Variants in ZNF618 observed in about 807,000 individuals in gnomAD.
The protein encoded by ZNF618 is neural precursor cell expressed, developmentally down-regulated 10.
ZNF618 carries 34 observed loss-of-function variants against 103.0 expected under a neutral mutation model. The observed-to-expected ratio is 0.33, with a 90% CI of 0.25 to 0.44. ZNF618 has a LOEUF of 0.44. ZNF618 is among the 20% of genes least tolerant of loss of function. ZNF618 has a pLI of 1.00. For synonymous variants in ZNF618, 551 were observed against 542.2 expected, an observed-to-expected ratio of 1.02 and a Z score of -0.23; for missense variants, 1,059 against 1,295.4, an observed-to-expected ratio of 0.82 and a Z score of 2.80.
intron 1 of ZNF618, among the ~76,000 whole-genome samples, chr9:113,919,924 A>T (rs1358209467): frequency 6.6e-6 from 1 of 152,216 alleles, no homozygotes; most frequent in African/African-American, 2.4e-5. Context: ...CCCCAGGCTC[A>T]CCTTCTTATG....
intron 1 of ZNF618, among the ~76,000 whole-genome samples, chr9:113,926,043 C>T (rs1833057217): frequency 6.6e-6 from 1 of 152,122 alleles, no homozygotes; most frequent in Non-Finnish European, 1.5e-5. Flanking sequence ...AAAAATATTT[C>T]CTGCAAGGCA....
rs148002273 is a variant in ZNF618, at chr9:113,989,702, C to T, written c.337+1122C>T. 1.5e-3 allele frequency among the ~76,000 whole-genome samples: 227 copies of T among 152,360 alleles called. 3 individuals carry two copies. The East Asian group carries it at 0.038, about 26-fold the overall frequency. On this transcript the variant is annotated intron_variant, in intron 3 of 14. Transcript: ENST00000374126. Reference sequence around the variant, plus strand: ...ATCTTCCTGGCGCACATCCTGTATGCGGCACCATGGCCTCGTTTCTGCAAG... The same window carrying T: ...ATCTTCCTGGCGCACATCCTGTATGTGGCACCATGGCCTCGTTTCTGCAAG...
chr9:114,004,539 C>T (rs1361605225), intron 6 of ZNF618, among the ~76,000 whole-genome samples: 2 of 152,240 alleles, frequency 1.3e-5, no homozygotes, highest in Non-Finnish European at 2.9e-5. Context: ...TTCCGTTGTC[C>T]GCGGGCTTGC....
At position 114,048,758 on chromosome 9, in the gene ZNF618, G is replaced by A. The variant is rs756901718; in HGVS notation, c.1456G>A (p.Val486Met). The A allele has an allele frequency of 3.6e-5, 58 of 1,614,054 alleles. 1 individual carries two copies. The highest frequency in any genetic ancestry group is 3.1e-4 in the South Asian group (28 of 91,088). Reference sequence around the variant, plus strand: ...GTGTGCCGACCTGGGTGCACTGAGCGTGGTCAGCGGGAAGGAGTTCCTGAA... The same window carrying A: ...GTGTGCCGACCTGGGTGCACTGAGCATGGTCAGCGGGAAGGAGTTCCTGAA... ...VMCADLGALS[V>M]VSGKEFLKLA... is the part of the protein sequence containing the mutation. Residue 486 changes from valine (V) to methionine (M), a missense_variant, in exon 15 of 15, where the codon GTG becomes ATG. Val to Met is a conservative substitution (Grantham distance 21). Coordinates refer to ENST00000374126, the MANE Select transcript of ZNF618 (RefSeq NM_001318042.2).
chr9:113,935,478 C>G (rs2131936050), intron 1 of ZNF618, among the ~76,000 whole-genome samples: 1 of 152,294 alleles, frequency 6.6e-6, no homozygotes, highest in Middle Eastern at 3.4e-3. Flanking sequence ...TGCACCCCAC[C>G]TGGCCCTGGA....
intron 13 of ZNF618, among the ~76,000 whole-genome samples, chr9:114,047,625 C>T (rs1157535126): frequency 2.6e-5 from 4 of 152,162 alleles, no homozygotes; most frequent in Non-Finnish European, 5.9e-5. Context: ...CTCCATACCA[C>T]ACACTGTGCT....
chr9:114,031,292 G>A (rs1170150975), intron 11 of ZNF618, among the ~76,000 whole-genome samples: 1 of 152,072 alleles, frequency 6.6e-6, no homozygotes, highest in African/African-American at 2.4e-5. Flanking sequence ...ATTTGTAGAT[G>A]CTCCCTGGGA....
intron 1 of ZNF618, among the ~76,000 whole-genome samples, chr9:113,963,912 G>A (rs1030017485): frequency 5.3e-5 from 8 of 152,162 alleles, no homozygotes; most frequent in African/African-American, 1.4e-4. Context: ...TCCCAGTCCC[G>A]TAGAGTTGGT....
chr9:114,030,099 T>C (rs1020616617), intron 11 of ZNF618, among the ~76,000 whole-genome samples: 23 of 152,192 alleles, frequency 1.5e-4, no homozygotes, highest in African/African-American at 5.5e-4. Flanking sequence ...AGGTAAAGGA[T>C]CCACTTGGTT....
chr9:113,962,279 C>T (rs1407273456), intron 1 of ZNF618, among the ~76,000 whole-genome samples: 1 of 152,164 alleles, frequency 6.6e-6, no homozygotes, highest in African/African-American at 2.4e-5. Flanking sequence ...CCAGCACCAA[C>T]CAGTATATTC....
intron 1 of ZNF618, among the ~76,000 whole-genome samples, chr9:113,925,429 GTAGT>G: frequency 1.4e-5 from 2 of 142,694 alleles, no homozygotes; most frequent in Admixed American, 1.4e-4. Flanking sequence ...TAGACAGCAT[GTAGT>G]TAGTTGGGTC....
At chr9:113,949,905 G>A (rs1413940857) in intron 1 of ZNF618, among the ~76,000 whole-genome samples, 1 of 152,194 alleles carries the variant, frequency 6.6e-6, no homozygotes, top group Non-Finnish European at 1.5e-5. Context: ...AGTTGGCACG[G>A]GAGGCAATTC....
chr9:113,891,906 G>A (rs780761044), intron 1 of ZNF618, among the ~76,000 whole-genome samples: 3 of 152,190 alleles, frequency 2.0e-5, no homozygotes, highest in Non-Finnish European at 4.4e-5. Flanking sequence ...TAAAAATGGA[G>A]GAAATCCTGT....
intron 1 of ZNF618, among the ~76,000 whole-genome samples, chr9:113,968,764 G>C (rs1837669056): frequency 6.6e-6 from 1 of 152,142 alleles, no homozygotes; most frequent in African/African-American, 2.4e-5. Flanking sequence ...TACAGCTACT[G>C]TTTTATTGGA....
chr9:113,995,667 A>G (rs1237268435), intron 3 of ZNF618, among the ~76,000 whole-genome samples: 1 of 152,118 alleles, frequency 6.6e-6, no homozygotes, highest in Non-Finnish European at 1.5e-5. Context: ...TGATATTTTT[A>G]ATGGTCTCTT....
rs1190519429 is a variant in ZNF618, at chr9:114,001,988, T to G, written c.434-8T>G. On this transcript the variant is annotated splice_polypyrimidine_tract_variant and splice_region_variant and intron_variant, in intron 4 of 14. Coordinates refer to ENST00000374126, the MANE Select transcript of ZNF618 (RefSeq NM_001318042.2). Reference sequence around the variant, plus strand: ...GGGTGACCAGTCCTTTCCTCTTCTGTTTTCCAGGGTCTTACGAATGCGGAA... The same window carrying G: ...GGGTGACCAGTCCTTTCCTCTTCTGGTTTCCAGGGTCTTACGAATGCGGAA... The G allele has an allele frequency of 1.2e-6, 2 of 1,613,534 alleles. No homozygotes were observed. Among genetic ancestry groups the G allele is most frequent in the Non-Finnish European group, 1.7e-6 (2 of 1,179,554 alleles).
At chr9:113,889,396 A>G (rs1008688735) in intron 1 of ZNF618, among the ~76,000 whole-genome samples, 6 of 150,164 alleles carry the variant, frequency 4.0e-5, no homozygotes, top group African/African-American at 1.5e-4. Context: ...GAGGCTTCAT[A>G]TATGGCTAGA....
intron 10 of ZNF618, among the ~76,000 whole-genome samples, chr9:114,020,572 C>A (rs1378628959): frequency 6.6e-6 from 1 of 152,026 alleles, no homozygotes; most frequent in Non-Finnish European, 1.5e-5. Flanking sequence ...TGTGACACTA[C>A]CATGACTTTT....
intron 8 of ZNF618, 30 bp from the exon 9 acceptor site, chr9:114,008,447 G>A (rs756241938): frequency 6.2e-7 from 1 of 1,602,546 alleles, no homozygotes; most frequent in South Asian, 1.1e-5. Context: ...TGGGGGACCA[G>A]GGTGCTAAGG....
Sources: allele counts gnomAD v4.1 joint callset (sites outside exome capture counted in the v4.1 genomes callset), GRCh38; gene constraint gnomAD v4.1.1; transcripts MANE v1.5; gene names NCBI Gene and HGNC (gene_info 2026-07-23, HGNC 2026-07-21).